The following CRISPLD2 variants were observed in gnomAD, a reference collection of about 807,000 sequenced individuals.
CRISPLD2 encodes the protein cysteine rich secretory protein LCCL domain containing 2, also known as cysteine-rich secretory protein LCCL domain-containing 2.
In CRISPLD2, 47 loss-of-function variants were observed where a neutral mutation model predicts 71.1. That is an observed-to-expected ratio of 0.66 (90% confidence interval 0.52 to 0.84). The LOEUF is 0.84. CRISPLD2 is among the 40% of genes least tolerant of loss of function. The pLI is 0.00. For synonymous variants in CRISPLD2, 317 were observed against 250.1 expected (o/e 1.27, Z -2.52); for missense variants, 830 against 651.1 (o/e 1.27, Z -2.99).
intron 2 of CRISPLD2, among the ~76,000 whole-genome samples, chr16:84,843,764 A>G (rs191528555): frequency 6.6e-6 from 1 of 152,212 alleles, no homozygotes; most frequent in African/African-American, 2.4e-5. Context: ...TGGTTACAGT[A>G]TGCAAGGCAG....
intron 1 of CRISPLD2, among the ~76,000 whole-genome samples, chr16:84,822,460 A>G (rs1916252508): frequency 6.6e-6 from 1 of 152,142 alleles, no homozygotes; most frequent in Non-Finnish European, 1.5e-5. Context: ...GGGAACTGGA[A>G]CTTTTCTTTC....
In CRISPLD2 at chr16:84,877,362, G is replaced by A. The variant is rs187425963; in HGVS notation, c.1157-76G>A. The A allele has an allele frequency of 2.5e-3, 3,335 of 1,325,994 alleles. 12 individuals are homozygous for A. Among genetic ancestry groups the A allele is most frequent in the Non-Finnish European group, 3.2e-3 (2,961 of 926,998 alleles). 82.1% of individuals were successfully genotyped at this position (1,325,994 alleles called of 1,614,324 possible). ...ACCCATAGGCCCTGGTAGTCTAGTG[G>A]CCCATTGCACAGCCTGGTAGCCTGA... On this transcript the variant is annotated intron_variant, in intron 11 of 14. Coordinates refer to ENST00000262424, the MANE Select transcript of CRISPLD2 (RefSeq NM_031476.4).
At chr16:84,887,492 C>CCG (rs1200577614) in intron 13 of CRISPLD2, among the ~76,000 whole-genome samples, 1 of 152,220 alleles carries the variant, frequency 6.6e-6, no homozygotes, top group African/African-American at 2.4e-5. Context: ...CAAGCTGCTG[C>CCG]CGGGGACTGA....
chr16:84,865,438 G>A (rs574216634), intron 6 of CRISPLD2, among the ~76,000 whole-genome samples: 14 of 152,224 alleles, frequency 9.2e-5, no homozygotes, highest in Non-Finnish European at 1.8e-4. Context: ...TTACAGGTAT[G>A]AGCCACCACA....
intron 5 of CRISPLD2, 148 bp from the exon 6 acceptor site, chr16:84,854,581 C>A: frequency 1.5e-6 from 1 of 665,014 alleles, no homozygotes; most frequent in South Asian, 1.8e-5. Context: ...CTGGGATAGC[C>A]ATCTTTCCCG....
Position 84,907,966 on chromosome 16 carries a change from A to C in CRISPLD2, c.*1324A>C, listed in dbSNP as rs1410267884. 1.3e-5 allele frequency: 2 copies of C among 152,184 alleles called. No individual in the cohort carries two copies. Among genetic ancestry groups the C allele is most frequent in the East Asian group, 3.9e-4 (2 of 5,194 alleles). 9.4% of individuals were successfully genotyped at this position (152,184 alleles called of 1,614,324 possible). On this transcript the variant is annotated 3_prime_UTR_variant, in exon 15 of 15. Transcript: ENST00000262424. Reference sequence around the variant, plus strand: ...TTTTGTAAATAGCATTTTTTTGCAGAAGGTGAAAATTCCACTCTCTACCAC... The same window carrying C: ...TTTTGTAAATAGCATTTTTTTGCAGCAGGTGAAAATTCCACTCTCTACCAC...
intron 2 of CRISPLD2, 69 bp from the exon 3 acceptor site, chr16:84,845,717 C>A: frequency 2.9e-6 from 3 of 1,022,384 alleles, no homozygotes; most frequent in Non-Finnish European, 4.5e-6. Flanking sequence ...TGGGGCGTTG[C>A]TGTATTTATG....
In CRISPLD2 at chr16:84,908,729, C is replaced by T. The variant is rs1056544236; in HGVS notation, c.*2087C>T. ...CCCGAGACCAAGTTTCACTCTGTTG[C>T]CCAAGGTAGAGTGCAGTGGCGTGAT... On this transcript the variant is annotated 3_prime_UTR_variant, in exon 15 of 15. Transcript: ENST00000262424. 3 of 138,654 alleles carry T rather than the reference C, an allele frequency of 2.2e-5. No individual in the cohort carries two copies. The highest frequency in any genetic ancestry group is 5.5e-5 in the African/African-American group (2 of 36,150). 8.6% of individuals were successfully genotyped at this position (138,654 alleles called of 1,614,324 possible).
At chr16:84,826,289 G>C (rs912583328) in intron 1 of CRISPLD2, among the ~76,000 whole-genome samples, 3 of 152,230 alleles carry the variant, frequency 2.0e-5, no homozygotes, top group African/African-American at 7.2e-5. Flanking sequence ...TTAAGAACAA[G>C]TTGTTGGCAT....
chr16:84,896,614 TG>T (rs2071708617), intron 14 of CRISPLD2, among the ~76,000 whole-genome samples: 1 of 152,140 alleles, frequency 6.6e-6, no homozygotes, highest in Non-Finnish European at 1.5e-5. Context: ...GTCAGTGTCC[TG>T]AGCACACGGA....
intron 6 of CRISPLD2, among the ~76,000 whole-genome samples, chr16:84,862,581 T>A (rs1186065078): frequency 1.3e-5 from 2 of 152,018 alleles, no homozygotes; most frequent in Non-Finnish European, 2.9e-5. Flanking sequence ...GCGTTTCTCA[T>A]GTCTTGGGAT....
At chr16:84,887,792 C>G (rs1338102166) in intron 13 of CRISPLD2, among the ~76,000 whole-genome samples, 1 of 152,186 alleles carries the variant, frequency 6.6e-6, no homozygotes, top group Admixed American at 6.5e-5. Context: ...AGAAGAACCA[C>G]TTGAACCCAG....
chr16:84,869,427 G>A (rs1241624535), intron 8 of CRISPLD2, among the ~76,000 whole-genome samples: 4 of 152,190 alleles, frequency 2.6e-5, no homozygotes, highest in African/African-American at 9.7e-5. Context: ...AAGCTGAATC[G>A]AGTTATTTAA....
intron 14 of CRISPLD2, among the ~76,000 whole-genome samples, chr16:84,900,793 T>C (rs1350077650): frequency 6.6e-6 from 1 of 152,136 alleles, no homozygotes; most frequent in Non-Finnish European, 1.5e-5. Context: ...GGCTCGCGCT[T>C]ATAATCCGGG....
At chr16:84,853,649 G>C (rs1473854114) in intron 5 of CRISPLD2, among the ~76,000 whole-genome samples, 1 of 152,294 alleles carries the variant, frequency 6.6e-6, no homozygotes. Context: ...GTTTGTCTTT[G>C]GCCAGCACTG....
chr16:84,847,457 C>T (rs1317010009), intron 3 of CRISPLD2, among the ~76,000 whole-genome samples: 1 of 152,156 alleles, frequency 6.6e-6, no homozygotes. Flanking sequence ...CAAGACTATC[C>T]TGGCCAACAT....
intron 2 of CRISPLD2, among the ~76,000 whole-genome samples, chr16:84,844,482 TTTC>T (rs1916857386): frequency 1.3e-5 from 2 of 150,436 alleles, no homozygotes; most frequent in Non-Finnish European, 3.0e-5. Flanking sequence ...TTTTCTTTTC[TTTC>T]TTTTTTTTTT....
intron 2 of CRISPLD2, among the ~76,000 whole-genome samples, chr16:84,841,391 G>A (rs1209920847): frequency 2.0e-5 from 3 of 152,134 alleles, no homozygotes; most frequent in Non-Finnish European, 2.9e-5. Flanking sequence ...AAGCCAGCAG[G>A]GCCATGGCTC....
chr16:84,853,399 A>G lies in CRISPLD2; in HGVS notation c.609-1330A>G, dbSNP rs141361474. On this transcript the variant is annotated intron_variant, in intron 5 of 14. Coordinates refer to ENST00000262424, the MANE Select transcript of CRISPLD2 (RefSeq NM_031476.4). ...TTTCTGAGCAGGGATGTCTTGTGGCATGGCACGGACGCGATCATTCTGCCT... is the reference window on the plus strand; with the variant it reads ...TTTCTGAGCAGGGATGTCTTGTGGCGTGGCACGGACGCGATCATTCTGCCT... Among the ~76,000 whole-genome samples the G allele has an allele frequency of 1.8e-3, 270 of 152,298 alleles. 2 individuals are homozygous for G. Among genetic ancestry groups the G allele is most frequent in the South Asian group, 4.6e-3 (22 of 4,830 alleles).
Sources: gnomAD v4.1 joint callset for allele counts (sites outside exome capture counted in the v4.1 genomes callset) on GRCh38, gnomAD v4.1.1 for gene constraint, MANE v1.5 for transcripts, NCBI Gene and HGNC (gene_info 2026-07-23, HGNC 2026-07-21) for gene names.